NXF3: variants seen among roughly 807,000 people sequenced by gnomAD.
NXF3 encodes the protein nuclear RNA export factor 3, also known as TAP-like protein 3.
A neutral mutation model predicts 48.4 loss-of-function variants in NXF3; 34 were observed. The ratio of observed to expected loss-of-function variants is 0.70; its 90% CI spans 0.53 to 0.93. The LOEUF (loss-of-function observed/expected upper bound fraction) is 0.93. Ranked by LOEUF, NXF3 falls within the 40% of genes least tolerant of loss-of-function variation. NXF3 has a pLI of 0.00. For synonymous variants in NXF3, 132 were observed against 145.7 expected (o/e 0.91, Z 0.68); for missense variants, 359 against 406.1 (o/e 0.88, Z 1.00).
chrX:103,092,013 A>ATTAAACAT (rs1256684766), intron 1 of NXF3, among the ~76,000 whole-genome samples: 2 of 107,318 alleles, frequency 1.9e-5, no homozygotes, highest in African/African-American at 6.7e-5. Flanking sequence ...AAAGAAGAAG[A>ATTAAACAT]TTAAACATTA....
At chrX:103,092,479 T>G (rs1242371438) in intron 1 of NXF3, among the ~76,000 whole-genome samples, 18 of 112,798 alleles carry the variant, frequency 1.6e-4, no homozygotes, top group Non-Finnish European at 3.2e-4. Flanking sequence ...ACCACTGTGA[T>G]GTGGGAATTT....
At position 103,080,195 on chromosome X, in the gene NXF3, C is replaced by G. The variant is rs753207976; in HGVS notation, c.949G>C (p.Ala317Pro). ...LCLDGQQSPR[A>P]TLCGTEAHKR... is the part of the protein sequence containing the mutation. Reference sequence around the variant, plus strand: ...TGGGCTTCAGTACCACATAAAGTTGCTCTGGGTGACTGCTGGCCATCCTGG... The same window carrying G: ...TGGGCTTCAGTACCACATAAAGTTGGTCTGGGTGACTGCTGGCCATCCTGG... The change falls in exon 11 of 20, where the codon GCA (alanine) becomes CCA (proline). Residue 317 changes from alanine (A) to proline (P), a missense_variant. Physicochemically the swap from Ala to Pro is conservative, Grantham distance 27. Coordinates refer to ENST00000395065, the MANE Select transcript of NXF3 (RefSeq NM_022052.2). 1 of 1,211,402 alleles carries G rather than the reference C, an allele frequency of 8.3e-7. No homozygotes were observed. The highest frequency in any genetic ancestry group is 2.2e-5 in the Admixed American group (1 of 46,019).
Position 103,079,366 on chromosome X carries a change from TACC to T in NXF3, c.1325_1327del (p.Trp442del). 1.7e-6 allele frequency: 2 copies of T among 1,210,942 alleles called. No individual in the cohort carries two copies. The highest frequency in any genetic ancestry group is 1.1e-6 in the Non-Finnish European group (1 of 894,623). On this transcript the variant is annotated inframe_deletion, in exon 15 of 20. Coordinates refer to ENST00000395065, the MANE Select transcript of NXF3 (RefSeq NM_022052.2). ...GAGGAAGCAGGTACTCACCGTCTGG[TACC>T]ACATGTCCACCAGGAAGGAGCTGAG...
chrX:103,086,478 T>C (rs766566298), intron 1 of NXF3, among the ~76,000 whole-genome samples: 1 of 111,395 alleles, frequency 9.0e-6, no homozygotes, highest in Non-Finnish European at 1.9e-5. Flanking sequence ...TTTCACTTTC[T>C]AGCCAAATGA....
At chrX:103,079,096 A>G (rs1251430744) in intron 16 of NXF3, 125 bp downstream of exon 16, 24 of 753,248 alleles carry the variant, frequency 3.2e-5, no homozygotes, top group Middle Eastern at 3.0e-4. Flanking sequence ...GGGGTGGGAA[A>G]ACACGGAGGG....
chrX:103,078,912 C>T (rs2147589895), intron 16 of NXF3, among the ~76,000 whole-genome samples: 1 of 112,293 alleles, frequency 8.9e-6, no homozygotes, highest in South Asian at 3.7e-4. Context: ...TTATTATTAG[C>T]CCCATTCTGC....
intron 1 of NXF3, chrX:103,088,833 A>T: frequency 3.5e-6 from 4 of 1,156,611 alleles, no homozygotes; most frequent in Non-Finnish European, 4.7e-6. Context: ...AAACTTGAAC[A>T]ATCTTTCTAA....
intron 1 of NXF3, among the ~76,000 whole-genome samples, chrX:103,092,672 T>C (rs1922307695): frequency 8.8e-6 from 1 of 113,133 alleles, no homozygotes; most frequent in Non-Finnish European, 1.9e-5. Context: ...GATAAATTTC[T>C]GGGGCTGGGG....
intron 1 of NXF3, chrX:103,087,655 G>A (rs995152055): frequency 3.0e-6 from 3 of 1,006,083 alleles, no homozygotes; most frequent in African/African-American, 1.9e-5. Flanking sequence ...ATAGCATGAA[G>A]AGAAGAAAGA....
intron 9 of NXF3, 92 bp from the exon 10 acceptor site, chrX:103,080,704 G>C: frequency 1.1e-5 from 9 of 850,266 alleles, no homozygotes; most frequent in Non-Finnish European, 1.6e-5. Context: ...CAGAGACACA[G>C]TGCAGTGTGT....
chrX:103,086,021 A>G (rs1364465735), intron 1 of NXF3, among the ~76,000 whole-genome samples: 1 of 110,272 alleles, frequency 9.1e-6, no homozygotes, highest in Non-Finnish European at 1.9e-5. Context: ...CCTCCAGGCC[A>G]GGCTGGTCTC....
At chrX:103,080,692 G>A (rs1028292150) in intron 9 of NXF3, 80 bp from the exon 10 acceptor site, 13 of 957,541 alleles carry the variant, frequency 1.4e-5, no homozygotes, top group Admixed American at 2.2e-5. Context: ...TCACACCTAC[G>A]TCAGAGACAC....
At position 103,084,849 on chromosome X, in the gene NXF3, T is replaced by A; in HGVS notation, c.63A>T (p.Arg21Ser). 3.3e-6 allele frequency: 4 copies of A among 1,210,530 alleles called. No individual in the cohort carries two copies. Among genetic ancestry groups the A allele is most frequent in the Non-Finnish European group, 4.5e-6 (4 of 895,077 alleles). Reference sequence around the variant, plus strand: ...ATCTCCTTTGGTAAATATCCCAACATCTTGCTCTTCTTTGAACAACTTGAT... The same window carrying A: ...ATCTCCTTTGGTAAATATCCCAACAACTTGCTCTTCTTTGAACAACTTGAT... ...HTDQVVQRRA[R>S]CWDIYQRRFS... is the part of the protein sequence containing the mutation. The change falls in exon 2 of 20, where the codon AGA (arginine) becomes AGT (serine). Residue 21 changes from arginine to serine, a missense_variant. Coordinates refer to ENST00000395065, the MANE Select transcript of NXF3 (RefSeq NM_022052.2).
Position 103,084,900 on chromosome X carries a change from C to A in NXF3, c.29-17G>T, listed in dbSNP as rs377039253. On this transcript the variant is annotated splice_polypyrimidine_tract_variant and intron_variant, in intron 1 of 19. Coordinates refer to ENST00000395065, the MANE Select transcript of NXF3 (RefSeq NM_022052.2). ...CAGTGTGACCTTAAATTAAGAACAG[C>A]ACATCAACACTTAGAATACCAGAAA... 2.1e-5 allele frequency: 25 copies of A among 1,180,169 alleles called. No homozygotes were observed. Among genetic ancestry groups the A allele is most frequent in the Non-Finnish European group, 2.6e-5 (23 of 871,948 alleles).
chrX:103,077,200 T>C (rs750515524), intron 18 of NXF3, among the ~76,000 whole-genome samples: 1 of 108,497 alleles, frequency 9.2e-6, no homozygotes, highest in African/African-American at 3.4e-5. Context: ...CTCCTCCCAG[T>C]GCATACCAAT....
rs1413792820 is a variant in NXF3, at chrX:103,079,880, A to G, written c.1053-10T>C. The G allele has an allele frequency of 3.4e-6, 4 of 1,190,565 alleles. No homozygotes were observed. The African/African-American group carries it at 7.0e-5, about 21-fold the overall frequency. On this transcript the variant is annotated splice_polypyrimidine_tract_variant and intron_variant, in intron 12 of 19. Transcript: ENST00000395065. ...ATAGATCAAGTAATACCTGTTGGAG[A>G]CCAGTGAGGACAGGCTATCTCTGTG...
chrX:103,091,842 A>G (rs1411244742), intron 1 of NXF3, among the ~76,000 whole-genome samples: 3 of 108,930 alleles, frequency 2.8e-5, no homozygotes, highest in African/African-American at 1.0e-4. Flanking sequence ...AAAATTAGCC[A>G]GGCATGGTGG....
rs138740554 is a variant in NXF3 at position 103,089,542 on chromosome X, T to C, written c.28+3454A>G. On this transcript the variant is annotated intron_variant, in intron 1 of 19. Coordinates refer to ENST00000395065, the MANE Select transcript of NXF3 (RefSeq NM_022052.2). ...ATTGTAAACATATGCTGTGTCTGTA[T>C]TGAAAAATATAAATTCATGATGCTG... Among the ~76,000 whole-genome samples, 75 of 112,427 alleles carry C rather than the reference T, an allele frequency of 6.7e-4. 1 individual carries two copies. The East Asian group carries it at 0.02, about 30-fold the overall frequency.
At chrX:103,077,817 C>T (rs2147589048) in intron 17 of NXF3, 71 bp from the exon 18 acceptor site, 1 of 1,136,776 alleles carries the variant, frequency 8.8e-7, no homozygotes, top group Middle Eastern at 2.4e-4. Context: ...GGATCTTTTT[C>T]CTACTGTTCA....
Sources: allele counts gnomAD v4.1 joint callset (sites outside exome capture counted in the v4.1 genomes callset), GRCh38; gene constraint gnomAD v4.1.1; transcripts MANE v1.5; gene names NCBI Gene and HGNC (gene_info 2026-07-23, HGNC 2026-07-21).